MRPS35: variants seen among roughly 807,000 people sequenced by gnomAD.
MRPS35 encodes mitochondrial ribosomal protein S35.
MRPS35 carries 29 observed loss-of-function variants against 32.7 expected under a neutral mutation model. The observed-to-expected ratio is 0.89, with a 90% CI of 0.66 to 1.21. MRPS35 has a LOEUF of 1.21. Ranked by LOEUF, MRPS35 falls within the 50% of genes most tolerant of loss-of-function variation. The probability of loss-of-function intolerance (pLI) is 0.00; values close to 1 mark genes in which losing one functional copy is unlikely to be tolerated. For missense variants in MRPS35, 373 were observed against 383.8 expected (o/e 0.97, Z 0.23); for synonymous variants, 148 against 139.3 (o/e 1.06, Z -0.44).
At chr12:27,754,257 G>A (rs1459294455) in intron 7 of MRPS35, among the ~76,000 whole-genome samples, 4 of 151,464 alleles carry the variant, frequency 2.6e-5, no homozygotes, top group Admixed American at 6.6e-5. Flanking sequence ...CTGTCTTGGC[G>A]GGGGAAAAAA....
At chr12:27,737,471 A>G (rs1591800343) in intron 6 of MRPS35, 68 bp from the exon 7 acceptor site, 1 of 1,148,658 alleles carries the variant, frequency 8.7e-7, no homozygotes, top group East Asian at 2.3e-5. Context: ...AGTATATTGC[A>G]TATTTTGCAA....
chr12:27,743,364 C>T (rs2061971098), intron 7 of MRPS35, among the ~76,000 whole-genome samples: 1 of 151,830 alleles, frequency 6.6e-6, no homozygotes, highest in Non-Finnish European at 1.5e-5. Context: ...CCCATCTCTA[C>T]TACAAATATA....
At position 27,737,538 on chromosome 12, in the gene MRPS35, G is replaced by A; in HGVS notation, c.633-1G>A. Reference sequence around the variant, plus strand: ...GACTTCTCCCGCTTTCTCTTTAATAGGTGCCCTTTAAGGAGGCAGAATTAC... The same window carrying A: ...GACTTCTCCCGCTTTCTCTTTAATAAGTGCCCTTTAAGGAGGCAGAATTAC... On this transcript the variant is annotated splice_acceptor_variant, in intron 6 of 7. Coordinates refer to ENST00000081029, the MANE Select transcript of MRPS35 (RefSeq NM_021821.4). LOFTEE classifies it high-confidence loss of function. 3.1e-6 allele frequency: 5 copies of A among 1,611,674 alleles called. No individual in the cohort carries two copies. Among genetic ancestry groups the A allele is most frequent in the Non-Finnish European group, 4.2e-6 (5 of 1,178,506 alleles).
chr12:27,735,376 A>C (rs1476430348), intron 5 of MRPS35, 71 bp from the exon 6 acceptor site: 18 of 1,149,626 alleles, frequency 1.6e-5, no homozygotes, highest in Admixed American at 2.4e-5. Flanking sequence ...AATAGGAATA[A>C]CATTGCTACC....
chr12:27,711,026 T>C, intron 1 of MRPS35, 71 bp downstream of exon 1: 1 of 1,436,564 alleles, frequency 7.0e-7, no homozygotes, highest in South Asian at 1.2e-5. Flanking sequence ...TCATGAAGGG[T>C]GCCGCGGTGG....
chr12:27,723,013 C>A (rs550157834), intron 4 of MRPS35, among the ~76,000 whole-genome samples: 1 of 152,306 alleles, frequency 6.6e-6, no homozygotes, highest in African/African-American at 2.4e-5. Flanking sequence ...TTATGACCAG[C>A]CTTTTCTGCA....
At chr12:27,738,885 A>G (rs1185358201) in intron 7 of MRPS35, among the ~76,000 whole-genome samples, 1 of 151,952 alleles carries the variant, frequency 6.6e-6, no homozygotes, top group Admixed American at 6.6e-5. Flanking sequence ...CAATAGTAAG[A>G]CAGAGACAGA....
At chr12:27,731,980 C>T (rs1179077242) in intron 5 of MRPS35, among the ~76,000 whole-genome samples, 3 of 152,014 alleles carry the variant, frequency 2.0e-5, no homozygotes, top group Non-Finnish European at 4.4e-5. Flanking sequence ...GTTTTTAAAT[C>T]ACAAAGACAG....
At chr12:27,735,391 T>G in intron 5 of MRPS35, 56 bp from the exon 6 acceptor site, 2 of 1,340,454 alleles carry the variant, frequency 1.5e-6, no homozygotes, top group African/African-American at 1.5e-5. Flanking sequence ...GCTACCTTTT[T>G]TTCACTAAAC....
intron 4 of MRPS35, among the ~76,000 whole-genome samples, chr12:27,720,629 T>C (rs1014979553): frequency 6.6e-6 from 1 of 151,914 alleles, no homozygotes; most frequent in Non-Finnish European, 1.5e-5. Context: ...ATGCTTATAT[T>C]TATAATACTC....
intron 5 of MRPS35, among the ~76,000 whole-genome samples, chr12:27,731,915 A>G (rs975382682): frequency 5.3e-5 from 8 of 152,130 alleles, no homozygotes; most frequent in African/African-American, 1.9e-4. Flanking sequence ...AATCTTTTTT[A>G]TTTTGTAGAA....
At chr12:27,721,998 C>T (rs992803748) in intron 4 of MRPS35, among the ~76,000 whole-genome samples, 1 of 151,658 alleles carries the variant, frequency 6.6e-6, no homozygotes, top group African/African-American at 2.4e-5. Flanking sequence ...CTGAGGTGGA[C>T]GACAGAGTGA....
At chr12:27,716,597 A>G in intron 3 of MRPS35, 139 bp downstream of exon 3, 1 of 770,806 alleles carries the variant, frequency 1.3e-6, no homozygotes, top group Non-Finnish European at 2.0e-6. Context: ...TAAAAATAAT[A>G]TAATAGGTTT....
chr12:27,718,406 C>G (rs1345622151), intron 3 of MRPS35, among the ~76,000 whole-genome samples: 1 of 152,148 alleles, frequency 6.6e-6, no homozygotes, highest in African/African-American at 2.4e-5. Flanking sequence ...GAGCAAGACT[C>G]CATCTCAAAA....
At chr12:27,710,997 C>T (rs1374723526) in intron 1 of MRPS35, 42 bp downstream of exon 1, 2 of 1,569,382 alleles carry the variant, frequency 1.3e-6, no homozygotes, top group Admixed American at 3.5e-5. Flanking sequence ...GGGGGAGGTG[C>T]AAGAGCGGAA....
chr12:27,745,829 C>G (rs892414973), intron 7 of MRPS35, among the ~76,000 whole-genome samples: 1 of 150,714 alleles, frequency 6.6e-6, no homozygotes, highest in Non-Finnish European at 1.5e-5. Flanking sequence ...GGTTTTTTGT[C>G]CTTGCAATAG....
intron 5 of MRPS35, among the ~76,000 whole-genome samples, chr12:27,733,644 A>AT (rs1029217299): frequency 1.3e-5 from 2 of 152,120 alleles, no homozygotes; most frequent in African/African-American, 4.8e-5. Flanking sequence ...GGTATATTTT[A>AT]TTTTTTGTAA....
At chr12:27,722,466 A>T (rs1179727073) in intron 4 of MRPS35, among the ~76,000 whole-genome samples, 1 of 152,130 alleles carries the variant, frequency 6.6e-6, no homozygotes, top group Admixed American at 6.6e-5. Context: ...AGGTAATTTA[A>T]TTTTAAAACT....
chr12:27,721,891 A>G (rs960998274), intron 4 of MRPS35, among the ~76,000 whole-genome samples: 3 of 152,164 alleles, frequency 2.0e-5, no homozygotes, highest in African/African-American at 4.8e-5. Context: ...GTTTGAGACC[A>G]TCCTGAGCAA....
Sources: allele counts gnomAD v4.1 joint callset (sites outside exome capture counted in the v4.1 genomes callset), GRCh38; gene constraint gnomAD v4.1.1; transcripts MANE v1.5; gene names NCBI Gene and HGNC (gene_info 2026-07-23, HGNC 2026-07-21).